SOCS6: variants seen among roughly 807,000 people sequenced by gnomAD.
SOCS6 encodes the protein suppressor of cytokine signaling 6, also known as STAT induced STAT inhibitor-4.
Under a neutral mutation model 27.7 loss-of-function variants are expected in SOCS6, and 5 were observed. That is an observed-to-expected ratio of 0.18 (90% confidence interval 0.09 to 0.38). The LOEUF (loss-of-function observed/expected upper bound fraction) is 0.38. Ranked by LOEUF, SOCS6 falls within the 10% of genes least tolerant of loss-of-function variation. SOCS6 has a pLI of 1.00. For synonymous variants in SOCS6, 271 were observed against 260.0 expected (o/e 1.04, Z -0.41); for missense variants, 595 against 688.1 (o/e 0.86, Z 1.51).
intron 1 of SOCS6, among the ~76,000 whole-genome samples, chr18:70,323,293 C>T (rs569005369): frequency 6.6e-6 from 1 of 152,270 alleles, no homozygotes; most frequent in African/African-American, 2.4e-5. Flanking sequence ...ACAGTTTAAA[C>T]ACAGGGCCTT....
At chr18:70,292,963 A>C (rs1000542824) in intron 1 of SOCS6, among the ~76,000 whole-genome samples, 3 of 152,086 alleles carry the variant, frequency 2.0e-5, no homozygotes, top group Non-Finnish European at 4.4e-5. Flanking sequence ...CAGTAATCCC[A>C]AGTAATTGAC....
Position 70,329,157 on chromosome 18 carries a change from G to GA in SOCS6, c.*2886dup, listed in dbSNP as rs1159331068. On this transcript the variant is annotated 3_prime_UTR_variant, in exon 2 of 2. Coordinates refer to ENST00000397942, the MANE Select transcript of SOCS6 (RefSeq NM_004232.4). Reference sequence around the variant, plus strand: ...AAGAAGAAGGCTGTAGAAAGTACTTGAAAAATATCTAATTCTCTTTCTGTC... The same window carrying GA: ...AAGAAGAAGGCTGTAGAAAGTACTTGAAAAAATATCTAATTCTCTTTCTGTC... 1.2e-5 allele frequency: 2 copies of GA among 167,044 alleles called. No homozygotes were observed. The highest frequency in any genetic ancestry group is 2.9e-5 in the Non-Finnish European group (2 of 68,096). The allele number at this position is 167,044 out of a possible 1,614,324, so 10.3% of individuals were successfully genotyped here.
chr18:70,292,340 A>C (rs2062303412), intron 1 of SOCS6, among the ~76,000 whole-genome samples: 1 of 152,146 alleles, frequency 6.6e-6, no homozygotes, highest in South Asian at 2.1e-4. Context: ...GTAACATCCA[A>C]ACTCTTGTTT....
intron 1 of SOCS6, among the ~76,000 whole-genome samples, chr18:70,299,377 G>A (rs974798392): frequency 2.0e-5 from 3 of 152,182 alleles, no homozygotes; most frequent in Non-Finnish European, 4.4e-5. Flanking sequence ...CTCAGCAACA[G>A]CCCAGTAGAA....
chr18:70,306,392 A>G (rs1600155859), intron 1 of SOCS6, among the ~76,000 whole-genome samples: 2 of 148,298 alleles, frequency 1.3e-5, no homozygotes, highest in South Asian at 4.3e-4. Flanking sequence ...CTGAGGCAGG[A>G]GAATCTCTTG....
At chr18:70,319,552 G>C (rs932304614) in intron 1 of SOCS6, among the ~76,000 whole-genome samples, 1 of 142,626 alleles carries the variant, frequency 7.0e-6, no homozygotes, top group Non-Finnish European at 1.5e-5. Context: ...GCACCAAACT[G>C]TAATAGTAAA....
At chr18:70,311,782 T>C (rs551106493) in intron 1 of SOCS6, among the ~76,000 whole-genome samples, 2 of 152,366 alleles carry the variant, frequency 1.3e-5, no homozygotes, top group African/African-American at 4.8e-5. Context: ...TCGCTTTATC[T>C]CTACAACATT....
chr18:70,328,224 CAACTT>C lies in SOCS6; in HGVS notation c.*1951_*1955del, dbSNP rs548035447. On this transcript the variant is annotated 3_prime_UTR_variant, in exon 2 of 2. Transcript: ENST00000397942. ...TTTGCAAAACTATTTATTTTTAAAA[CAACTT>C]AAAGTATATCTAGGGTGAGTTAAAA... The C allele has an allele frequency of 1.1e-4, 18 of 166,900 alleles. No homozygotes were observed. The highest frequency in any genetic ancestry group is 3.4e-4 in the African/African-American group (14 of 41,438). The allele number at this position is 166,900 out of a possible 1,614,324, so 10.3% of individuals were successfully genotyped here.
In SOCS6 at chr18:70,324,994, C is replaced by T. The variant is rs763465078; in HGVS notation, c.326C>T (p.Ala109Val). 2 of 1,613,790 alleles carry T rather than the reference C, an allele frequency of 1.2e-6. No individual in the cohort carries two copies. Among genetic ancestry groups the T allele is most frequent in the African/African-American group, 1.3e-5 (1 of 74,934 alleles). The change falls in exon 2 of 2, where the codon GCA becomes GTA. Residue 109 changes from alanine (A) to valine (V), a missense_variant. Around this residue, in one of 2 missense-constraint regions of SOCS6, gnomAD observed 467 missense variants for 481.1 expected, o/e 0.97. Transcript: ENST00000397942. ...ADEDTFSSSS[A>V]PIVFKDVRAQ... Reference sequence around the variant, plus strand: ...GAGGACACCTTCTCCTCCTCCTCAGCACCCATAGTCTTTAAAGACGTGAGA... The same window carrying T: ...GAGGACACCTTCTCCTCCTCCTCAGTACCCATAGTCTTTAAAGACGTGAGA...
intron 1 of SOCS6, among the ~76,000 whole-genome samples, chr18:70,292,208 G>A (rs995973888): frequency 1.3e-5 from 2 of 152,228 alleles, no homozygotes; most frequent in Non-Finnish European, 2.9e-5. Context: ...CTCTGGACAT[G>A]TTGGGGCATC....
chr18:70,311,647 G>T (rs770252706), intron 1 of SOCS6, among the ~76,000 whole-genome samples: 4 of 152,060 alleles, frequency 2.6e-5, no homozygotes, highest in African/African-American at 7.3e-5. Flanking sequence ...AGATGTAATC[G>T]CTGTTACTTG....
At position 70,303,155 on chromosome 18, in the gene SOCS6, A is replaced by G. The variant is rs1047581778; in HGVS notation, c.-127+14065A>G. 5.7e-4 allele frequency among the ~76,000 whole-genome samples: 87 copies of G among 152,278 alleles called. 1 individual carries two copies. The highest frequency in any genetic ancestry group is 2.0e-3 in the African/African-American group (84 of 41,560). ...TCCAGTTTTCCTCCCTATTCTTTCTATGTAATTGAACCACATACATATAAT... is the reference window on the plus strand; with the variant it reads ...TCCAGTTTTCCTCCCTATTCTTTCTGTGTAATTGAACCACATACATATAAT... On this transcript the variant is annotated intron_variant, in intron 1 of 1. Coordinates refer to ENST00000397942, the MANE Select transcript of SOCS6 (RefSeq NM_004232.4).
intron 1 of SOCS6, among the ~76,000 whole-genome samples, chr18:70,308,625 A>C (rs891249965): frequency 1.3e-5 from 2 of 152,104 alleles, no homozygotes; most frequent in Non-Finnish European, 2.9e-5. Flanking sequence ...TTGCTATTTC[A>C]TCTTTATTTG....
At chr18:70,307,744 TGTCA>T (rs2062375150) in intron 1 of SOCS6, among the ~76,000 whole-genome samples, 1 of 152,234 alleles carries the variant, frequency 6.6e-6, no homozygotes, top group African/African-American at 2.4e-5. Context: ...TTAATTTCTT[TGTCA>T]GTCTAGCCTA....
intron 1 of SOCS6, among the ~76,000 whole-genome samples, chr18:70,291,562 G>GT (rs1407066100): frequency 1.3e-5 from 2 of 152,140 alleles, no homozygotes; most frequent in East Asian, 3.8e-4. Flanking sequence ...CAAACATATA[G>GT]ATGGTCCCCA....
chr18:70,305,134 G>C (rs2062363798), intron 1 of SOCS6, among the ~76,000 whole-genome samples: 1 of 44 alleles, frequency 0.023, no homozygotes. Context: ...TTGAAGCCGG[G>C]AGGTGGGAGG....
chr18:70,303,968 A>G (rs1383403978), intron 1 of SOCS6, among the ~76,000 whole-genome samples: 1 of 152,208 alleles, frequency 6.6e-6, no homozygotes, highest in Non-Finnish European at 1.5e-5. Context: ...AATTGGTTGT[A>G]TGTGTGGAAA....
rs953953410 is a variant in SOCS6, at chr18:70,308,384, AT to A, written c.-126-16149del. 4.7e-5 allele frequency among the ~76,000 whole-genome samples: 7 copies of A among 149,540 alleles called. No homozygotes were observed. The East Asian group carries it at 5.9e-4, about 13-fold the overall frequency. ...AGGCATGCGCCACCATACCTGGCTA[AT>A]TTTTTTTTTAATTTTTTGCAACAAC... On this transcript the variant is annotated intron_variant, in intron 1 of 1. Transcript: ENST00000397942.
At chr18:70,313,272 C>G (rs1481270863) in intron 1 of SOCS6, among the ~76,000 whole-genome samples, 1 of 152,084 alleles carries the variant, frequency 6.6e-6, no homozygotes, top group African/African-American at 2.4e-5. Context: ...CTTTCTCTTA[C>G]TGATTTCTAA....
Sources: allele counts gnomAD v4.1 joint callset (sites outside exome capture counted in the v4.1 genomes callset), GRCh38; gene constraint gnomAD v4.1.1; regional missense constraint gnomAD v4.1.1; transcripts MANE v1.5; gene names NCBI Gene and HGNC (gene_info 2026-07-23, HGNC 2026-07-21).